The following BICC1 variants were observed in gnomAD, a reference collection of about 807,000 sequenced individuals.
BICC1 encodes BicC family RNA binding protein 1.
BICC1 carries 43 observed loss-of-function variants against 111.0 expected under a neutral mutation model. The observed-to-expected ratio is 0.39, with a 90% CI of 0.30 to 0.50. BICC1 has a LOEUF of 0.50. BICC1 is among the 20% of genes least tolerant of loss of function. The pLI is 0.88. For synonymous variants in BICC1, 467 were observed against 434.4 expected, an observed-to-expected ratio of 1.07 and a Z score of -0.93; for missense variants, 1,091 against 1,203.2, an observed-to-expected ratio of 0.91 and a Z score of 1.38.
intron 3 of BICC1, among the ~76,000 whole-genome samples, chr10:58,722,401 T>C (rs1380210338): frequency 1.3e-5 from 2 of 152,246 alleles, no homozygotes; most frequent in Non-Finnish European, 2.9e-5. Flanking sequence ...TTCTTAATTC[T>C]ACTAAAATAA....
chr10:58,773,131 C>T (rs1842663161), intron 3 of BICC1, among the ~76,000 whole-genome samples: 1 of 152,192 alleles, frequency 6.6e-6, no homozygotes, highest in African/African-American at 2.4e-5. Flanking sequence ...TAGTGATTCT[C>T]TGCCGTTGTT....
At chr10:58,746,923 G>GCAA (rs1167288782) in intron 3 of BICC1, among the ~76,000 whole-genome samples, 3 of 152,076 alleles carry the variant, frequency 2.0e-5, no homozygotes, top group Non-Finnish European at 4.4e-5. Context: ...CATGATTCTG[G>GCAA]CAACAGAGTA....
intron 2 of BICC1, among the ~76,000 whole-genome samples, chr10:58,634,535 A>T (rs76103919): frequency 0.011 from 1,628 of 152,324 alleles, 32 homozygotes; most frequent in African/African-American, 0.037. Flanking sequence ...TCCTCAGGTG[A>T]CATTACTCTG....
intron 5 of BICC1, 132 bp downstream of exon 5, chr10:58,787,213 T>C (rs1473937101): frequency 1.3e-6 from 1 of 747,858 alleles, no homozygotes; most frequent in East Asian, 3.3e-5. Flanking sequence ...GTGTAGATTG[T>C]ACAACTTTCT....
At chr10:58,645,339 G>A (rs900872302) in intron 2 of BICC1, among the ~76,000 whole-genome samples, 1 of 148,062 alleles carries the variant, frequency 6.8e-6, no homozygotes, top group Non-Finnish European at 1.5e-5. Flanking sequence ...CCCGGGAGGC[G>A]GAGCTTGCAG....
intron 20 of BICC1, among the ~76,000 whole-genome samples, chr10:58,827,990 CCTAATGATTATCTTA>C (rs1161622283): frequency 1.3e-5 from 2 of 152,096 alleles, no homozygotes; most frequent in African/African-American, 4.8e-5. Context: ...ATTTTCTCTT[CCTAATGATTATCTTA>C]GTATTTTCTC....
At chr10:58,737,650 T>C (rs1327604001) in intron 3 of BICC1, among the ~76,000 whole-genome samples, 1 of 152,174 alleles carries the variant, frequency 6.6e-6, no homozygotes, top group African/African-American at 2.4e-5. Flanking sequence ...TATTTCTAGT[T>C]CTAGATCCCT....
chr10:58,600,150 A>G (rs1228145798), intron 1 of BICC1, among the ~76,000 whole-genome samples: 2 of 152,108 alleles, frequency 1.3e-5, no homozygotes, highest in Non-Finnish European at 2.9e-5. Context: ...GGCTCCTCAC[A>G]GTTCATACAG....
At chr10:58,608,643 C>G (rs948888843) in intron 1 of BICC1, among the ~76,000 whole-genome samples, 16 of 152,254 alleles carry the variant, frequency 1.1e-4, no homozygotes, top group African/African-American at 3.6e-4. Flanking sequence ...CCTTAGAGGT[C>G]AAAGTAGAAG....
intron 2 of BICC1, among the ~76,000 whole-genome samples, chr10:58,668,642 G>A (rs374205454): frequency 6.6e-6 from 1 of 152,054 alleles, no homozygotes; most frequent in Non-Finnish European, 1.5e-5. Flanking sequence ...GAGAGTTCTG[G>A]TGTTGGTTTA....
chr10:58,828,613 C>A, intron 20 of BICC1, 148 bp from the exon 21 acceptor site: 1 of 683,152 alleles, frequency 1.5e-6, no homozygotes, highest in Non-Finnish European at 2.4e-6. Flanking sequence ...ATGCCTTGAC[C>A]ATCAACTAAA....
intron 1 of BICC1, among the ~76,000 whole-genome samples, chr10:58,536,271 A>G (rs1245696398): frequency 6.6e-6 from 1 of 151,786 alleles, no homozygotes; most frequent in Non-Finnish European, 1.5e-5. Context: ...ACTGCAGAAT[A>G]TACATTCTTC....
rs745504989 is a variant in BICC1 at position 58,513,376 on chromosome 10, A to G, written c.190+43A>G. ...TCTCGGACTCTCCGACTGAGCCTCTAACTCCTTTTCGGACATCCCCACCGC... is the reference window on the plus strand; with the variant it reads ...TCTCGGACTCTCCGACTGAGCCTCTGACTCCTTTTCGGACATCCCCACCGC... On this transcript the variant is annotated intron_variant, in intron 1 of 20. Transcript: ENST00000373886. The G allele has an allele frequency of 1.3e-5, 19 of 1,514,016 alleles. No individual in the cohort carries two copies. The Middle Eastern group carries it at 5.3e-4, about 42-fold the overall frequency. The allele number at this position is 1,514,016 out of a possible 1,614,324, so 93.8% of individuals were successfully genotyped here. A position where few individuals can be genotyped will look rare whatever the true frequency, so the allele number is the denominator to read the frequency against.
At chr10:58,776,245 A>G (rs1338588592) in intron 3 of BICC1, among the ~76,000 whole-genome samples, 3 of 152,206 alleles carry the variant, frequency 2.0e-5, no homozygotes, top group Non-Finnish European at 4.4e-5. Flanking sequence ...TCTTAAATGC[A>G]TAGTGTCTTA....
chr10:58,695,702 G>A (rs1840047262), intron 2 of BICC1, among the ~76,000 whole-genome samples: 1 of 152,150 alleles, frequency 6.6e-6, no homozygotes, highest in African/African-American at 2.4e-5. Flanking sequence ...GCTTGGCAAA[G>A]GTTTCCTTCA....
chr10:58,526,968 G>A (rs1036508429), intron 1 of BICC1, among the ~76,000 whole-genome samples: 1 of 152,160 alleles, frequency 6.6e-6, no homozygotes, highest in African/African-American at 2.4e-5. Context: ...GGGTCAAATG[G>A]TATTTCTAGT....
chr10:58,658,468 T>A (rs1441299620), intron 2 of BICC1, among the ~76,000 whole-genome samples: 1 of 152,154 alleles, frequency 6.6e-6, no homozygotes, highest in Non-Finnish European at 1.5e-5. Context: ...ATTAAGGGTA[T>A]GAGCCACTGC....
chr10:58,584,212 T>A (rs771657592), intron 1 of BICC1, among the ~76,000 whole-genome samples: 17 of 152,146 alleles, frequency 1.1e-4, no homozygotes, highest in Non-Finnish European at 4.4e-5. Context: ...CTTTCCTTTA[T>A]CGTTTCAGCA....
At chr10:58,644,053 C>T (rs1172024422) in intron 2 of BICC1, among the ~76,000 whole-genome samples, 9 of 152,224 alleles carry the variant, frequency 5.9e-5, no homozygotes, top group Admixed American at 3.3e-4. Context: ...GGAATATCTA[C>T]GATGAGATAT....
Sources: allele counts gnomAD v4.1 joint callset (sites outside exome capture counted in the v4.1 genomes callset), GRCh38; gene constraint gnomAD v4.1.1; transcripts MANE v1.5; gene names NCBI Gene and HGNC (gene_info 2026-07-23, HGNC 2026-07-21).